The following DAB2IP variants were observed in gnomAD, a reference collection of about 807,000 sequenced individuals.
DAB2IP encodes DAB2 interacting protein, also known as disabled homolog 2-interacting protein.
A neutral mutation model predicts 107.2 loss-of-function variants in DAB2IP; 28 were observed. The observed-to-expected ratio is 0.26, with a 90% CI of 0.19 to 0.36. The LOEUF (loss-of-function observed/expected upper bound fraction) is 0.36. Ranked by LOEUF, DAB2IP falls within the 10% of genes least tolerant of loss-of-function variation. The pLI is 1.00. For missense variants in DAB2IP, 1,400 were observed against 1,644.7 expected, an observed-to-expected ratio of 0.85 and a Z score of 2.57; for synonymous variants, 755 against 706.4, an observed-to-expected ratio of 1.07 and a Z score of -1.09.
chr9:121,774,533 C>T (rs1285120829), intron 13 of DAB2IP, 121 bp downstream of exon 13: 9 of 1,130,832 alleles, frequency 8.0e-6, no homozygotes, highest in Non-Finnish European at 1.1e-5. Flanking sequence ...GGGCCCGTCA[C>T]CTCTGAGCCC....
intron 3 of DAB2IP, among the ~76,000 whole-genome samples, chr9:121,730,619 A>G (rs1327701974): frequency 6.6e-6 from 1 of 152,228 alleles, no homozygotes; most frequent in Non-Finnish European, 1.5e-5. Context: ...TTAATGTCCA[A>G]CACCTATCTG....
At chr9:121,752,843 T>C (rs1383371917) in intron 3 of DAB2IP, 1 of 152,250 alleles carries the variant, frequency 6.6e-6, no homozygotes, top group Non-Finnish European at 1.5e-5. Context: ...ACTTTCAGCA[T>C]GTGCCGGCTG....
In DAB2IP at chr9:121,662,001, C is replaced by T. The variant is rs1398371549; in HGVS notation, c.124+10102C>T. The stretch of plus-strand genomic sequence containing the variant: ...GTCTCGAAAAAAAAAAACAAAAAAA[C>T]CCAACTCCTAAGATTACAAAAAGCA... On this transcript the variant is annotated intron_variant, in intron 1 of 15. Coordinates refer to ENST00000408936, the Ensembl canonical transcript of DAB2IP. The surrounding 1 kb of genome is among the most constrained non-coding windows in gnomAD (Gnocchi z 4.6). 2.0e-5 allele frequency among the ~76,000 whole-genome samples: 3 copies of T among 151,112 alleles called. No individual in the cohort carries two copies. The highest frequency in any genetic ancestry group is 7.3e-5 in the African/African-American group (3 of 40,998).
chr9:121,622,555 G>A (rs576007006), intron 1 of DAB2IP, among the ~76,000 whole-genome samples: 3 of 152,254 alleles, frequency 2.0e-5, no homozygotes, highest in Admixed American at 6.5e-5. Flanking sequence ...CTCCATGGCC[G>A]GGAGCCCTCC....
chr9:121,641,960 T>C (rs1454303467), intron 1 of DAB2IP, among the ~76,000 whole-genome samples: 9 of 110,202 alleles, frequency 8.2e-5, no homozygotes, highest in African/African-American at 2.4e-4. Flanking sequence ...CTTTCTTTCT[T>C]TCTCTCTCTC....
chr9:121,672,852 C>A (rs1441561996), intron 1 of DAB2IP, among the ~76,000 whole-genome samples: 2 of 152,222 alleles, frequency 1.3e-5, no homozygotes, highest in African/African-American at 4.8e-5. Flanking sequence ...TGGGTTTCTA[C>A]TGGCACCAGC....
intron 1 of DAB2IP, among the ~76,000 whole-genome samples, chr9:121,603,325 A>C (rs757712563): frequency 1.3e-5 from 2 of 152,248 alleles, no homozygotes; most frequent in African/African-American, 2.4e-5. Context: ...AATCGCCTGC[A>C]TAGACCCCAG....
chr9:121,605,530 A>G (rs1310674658), intron 1 of DAB2IP, among the ~76,000 whole-genome samples: 2 of 149,566 alleles, frequency 1.3e-5, no homozygotes, highest in Non-Finnish European at 3.0e-5. Flanking sequence ...ACAGGGTCTC[A>G]CTCTGTCACT....
At chr9:121,682,663 T>C (rs1251220976) in intron 2 of DAB2IP, among the ~76,000 whole-genome samples, 1 of 152,152 alleles carries the variant, frequency 6.6e-6, no homozygotes, top group Non-Finnish European at 1.5e-5. Context: ...TTTTGTGAAA[T>C]GTGGGGGATG....
chr9:121,744,836 G>T (rs138640674), intron 3 of DAB2IP, among the ~76,000 whole-genome samples: 1 of 152,166 alleles, frequency 6.6e-6, no homozygotes, highest in African/African-American at 2.4e-5. Context: ...TGTCAGTTCT[G>T]GGGGAGGCTT....
chr9:121,688,273 C>T (rs535173998), intron 2 of DAB2IP, among the ~76,000 whole-genome samples: 1 of 152,360 alleles, frequency 6.6e-6, no homozygotes, highest in Admixed American at 6.5e-5. Flanking sequence ...ATTGTTGTTT[C>T]CAAAGCCAGG....
chr9:121,743,788 G>T (rs1176579491), intron 3 of DAB2IP, among the ~76,000 whole-genome samples: 1 of 152,212 alleles, frequency 6.6e-6, no homozygotes, highest in Non-Finnish European at 1.5e-5. Context: ...AGAGCCCAGG[G>T]AGACCTGAAT....
upstream of DAB2IP, among the ~76,000 whole-genome samples, chr9:121,646,720 ACTCCTGTCGCCCCTAGCCTC>A (rs1331186961): frequency 3.3e-5 from 5 of 151,516 alleles, no homozygotes; most frequent in African/African-American, 1.2e-4. Context: ...CCCTGTCAGG[ACTCCTGTCGCCCCTAGCCTC>A]CTCCTGTCCC....
At chr9:121,585,938 C>A (rs1425901199) in intron 1 of DAB2IP, among the ~76,000 whole-genome samples, 4 of 152,188 alleles carry the variant, frequency 2.6e-5, no homozygotes, top group Non-Finnish European at 4.4e-5. Flanking sequence ...TTGACCCGAT[C>A]CTAACCCATC....
chr9:121,598,876 T>G (rs1195569013), intron 1 of DAB2IP, among the ~76,000 whole-genome samples: 2 of 152,130 alleles, frequency 1.3e-5, no homozygotes, highest in Non-Finnish European at 2.9e-5. Context: ...ATCTGGGAAA[T>G]GGGTCAATAA....
intron 3 of DAB2IP, 72 bp from the exon 4 acceptor site, chr9:121,756,941 G>C (rs1833535594): frequency 6.2e-7 from 1 of 1,605,702 alleles, no homozygotes; most frequent in Non-Finnish European, 8.5e-7. Context: ...GGCCAGGGCA[G>C]ATGGGTGGGA....
chr9:121,666,098 A>G (rs1423487120), intron 1 of DAB2IP, among the ~76,000 whole-genome samples: 1 of 152,196 alleles, frequency 6.6e-6, no homozygotes, highest in East Asian at 1.9e-4. Flanking sequence ...GAGGCTCTGG[A>G]GAAGAATCCA....
chr9:121,703,648 T>G (rs888944925), intron 3 of DAB2IP, among the ~76,000 whole-genome samples: 1 of 152,250 alleles, frequency 6.6e-6, no homozygotes, highest in Non-Finnish European at 1.5e-5. Flanking sequence ...TGCTGTTTTC[T>G]TAGCATTTAA....
intron 3 of DAB2IP, among the ~76,000 whole-genome samples, chr9:121,711,395 TC>T (rs1373280120): frequency 6.6e-6 from 1 of 152,142 alleles, no homozygotes; most frequent in Non-Finnish European, 1.5e-5. Context: ...AAATTTTGCT[TC>T]CTCATTCTTG....
Sources: allele counts gnomAD v4.1 joint callset (sites outside exome capture counted in the v4.1 genomes callset), GRCh38; gene constraint gnomAD v4.1.1; non-coding constraint Gnocchi (gnomAD v3.1); transcripts MANE v1.5; gene names NCBI Gene and HGNC (gene_info 2026-07-23, HGNC 2026-07-21).